The following RUFY1 variants were observed in gnomAD, a reference collection of about 807,000 sequenced individuals.
The protein encoded by RUFY1 is RUN and FYVE domain containing 1.
Under a neutral mutation model 94.6 loss-of-function variants are expected in RUFY1, and 54 were observed. The observed-to-expected ratio is 0.57, with a 90% CI of 0.46 to 0.72. RUFY1 has a LOEUF of 0.72. Ranked by LOEUF, RUFY1 falls within the 30% of genes least tolerant of loss-of-function variation. RUFY1 has a pLI of 0.00. For missense variants in RUFY1, 883 were observed against 883.9 expected (o/e 1.00, Z 0.01); for synonymous variants, 396 against 347.3 (o/e 1.14, Z -1.56).
intron 7 of RUFY1, among the ~76,000 whole-genome samples, chr5:179,583,662 C>T (rs140609425): frequency 2.0e-5 from 3 of 151,086 alleles, no homozygotes; most frequent in Non-Finnish European, 2.9e-5. Flanking sequence ...GTGATCCGCC[C>T]GCCTCGGCCT....
intron 17 of RUFY1, among the ~76,000 whole-genome samples, chr5:179,608,134 T>C (rs576187321): frequency 6.6e-6 from 1 of 152,108 alleles, no homozygotes; most frequent in Admixed American, 6.5e-5. Context: ...CACCCTTGGG[T>C]CTAGGGTTGA....
chr5:179,553,104 G>C (rs1368269806), intron 1 of RUFY1, among the ~76,000 whole-genome samples: 1 of 152,230 alleles, frequency 6.6e-6, no homozygotes, highest in East Asian at 1.9e-4. Flanking sequence ...CAATGGGACA[G>C]GTTCTCAGTT....
rs1554112860 is a variant in RUFY1, at chr5:179,550,638, G to GC, written c.71dup (p.Pro26AlafsTer6). ...AGCTGGAGCCGGAGCTGGAGCCGGG[G>GC]CCGGGGCCCGGGTCAGCGCTTGAGC... On this transcript the variant is annotated frameshift_variant, in exon 1 of 18. Coordinates refer to ENST00000319449, the MANE Select transcript of RUFY1 (RefSeq NM_025158.5). LOFTEE classifies it high-confidence loss of function. 5 of 1,413,482 alleles carry GC rather than the reference G, an allele frequency of 3.5e-6. No individual in the cohort carries two copies. Among genetic ancestry groups the GC allele is most frequent in the Non-Finnish European group, 4.6e-6 (5 of 1,091,598 alleles). The allele number at this position is 1,413,482 out of a possible 1,614,324, so 87.6% of individuals were successfully genotyped here.
intron 16 of RUFY1, 162 bp downstream of exon 16, chr5:179,606,086 C>T (rs1767054077): frequency 6.6e-6 from 4 of 609,096 alleles, no homozygotes; most frequent in South Asian, 6.0e-5. Flanking sequence ...ACGTGTCCCT[C>T]GGCTGAGGGC....
intron 4 of RUFY1, 166 bp from the exon 5 acceptor site, chr5:179,569,136 A>T (rs1374751276): frequency 1.0e-6 from 1 of 985,058 alleles, no homozygotes; most frequent in Non-Finnish European, 1.2e-6. Flanking sequence ...AGGACGGGAG[A>T]AAAAGCAGCC....
intron 9 of RUFY1, among the ~76,000 whole-genome samples, chr5:179,590,546 G>A (rs10051189): frequency 1.3e-5 from 2 of 151,140 alleles, no homozygotes; most frequent in African/African-American, 2.4e-5. Flanking sequence ...GTGCAGTGGC[G>A]TGATCTCGAC....
At chr5:179,592,075 G>A (rs538472092) in intron 10 of RUFY1, among the ~76,000 whole-genome samples, 11 of 152,056 alleles carry the variant, frequency 7.2e-5, no homozygotes, top group African/African-American at 2.4e-4. Flanking sequence ...CTCCCGAGTA[G>A]CTGGGATTGC....
At chr5:179,575,571 C>T (rs962882340) in intron 5 of RUFY1, among the ~76,000 whole-genome samples, 10 of 152,126 alleles carry the variant, frequency 6.6e-5, no homozygotes, top group Non-Finnish European at 1.0e-4. Context: ...GGCATCATTT[C>T]TACTGCATTT....
At chr5:179,585,956 T>TACCA in intron 8 of RUFY1, 91 bp downstream of exon 8, 1 of 1,023,844 alleles carries the variant, frequency 9.8e-7, no homozygotes, top group Non-Finnish European at 1.5e-6. Flanking sequence ...CAGAGCTTCC[T>TACCA]GCTGGTAGGA....
intron 3 of RUFY1, among the ~76,000 whole-genome samples, chr5:179,565,979 A>C (rs901878039): frequency 2.7e-5 from 4 of 145,836 alleles, no homozygotes; most frequent in Non-Finnish European, 6.1e-5. Flanking sequence ...CCATCTCTAC[A>C]AAAAAAAAAA....
chr5:179,593,598 C>T lies in RUFY1; in HGVS notation c.1366C>T (p.Leu456=). 1 of 1,614,130 alleles carries T rather than the reference C, an allele frequency of 6.2e-7. No individual in the cohort carries two copies. The highest frequency in any genetic ancestry group is 2.2e-5 in the East Asian group (1 of 44,882). ...CACACTAGTTGCCCTCCGCCAGCAG[C>T]TGGAAGAAGTCAAAGCGATTAATTT... is the stretch of plus-strand genomic sequence containing the variant. ...QDTLVALRQQ[L]EEVKAINLQM... The change falls in exon 11 of 18, where the codon CTG becomes TTG. Residue 456 remains leucine (L), a synonymous_variant. Coordinates refer to ENST00000319449, the MANE Select transcript of RUFY1 (RefSeq NM_025158.5).
At chr5:179,598,500 T>C (rs774840179) in intron 13 of RUFY1, 192 bp from the exon 14 acceptor site, 50 of 646,556 alleles carry the variant, frequency 7.7e-5, no homozygotes, top group Non-Finnish European at 1.3e-4. Flanking sequence ...CTGCAGGCTT[T>C]TCTCTCCCTG....
Position 179,593,353 on chromosome 5 carries a change from A to C in RUFY1, c.1246-125A>C, listed in dbSNP as rs1765265412. The C allele has an allele frequency of 1.2e-5, 13 of 1,114,428 alleles. No homozygotes were observed. The South Asian group carries it at 1.9e-4, about 16-fold the overall frequency. The allele number at this position is 1,114,428 out of a possible 1,614,324, so 69.0% of individuals were successfully genotyped here. On this transcript the variant is annotated intron_variant, in intron 10 of 17. Coordinates refer to ENST00000319449, the MANE Select transcript of RUFY1 (RefSeq NM_025158.5). The stretch of plus-strand genomic sequence containing the variant: ...TCAGCCTCCCAAAGTGCTGAGGATT[A>C]CAGGCATGAGCCACCACACCCAGCC...
intron 1 of RUFY1, among the ~76,000 whole-genome samples, chr5:179,553,129 G>A (rs1581407962): frequency 6.6e-6 from 1 of 152,206 alleles, no homozygotes; most frequent in South Asian, 2.1e-4. Flanking sequence ...TGGCCCACTC[G>A]AGCTGCCCTG....
intron 4 of RUFY1, 118 bp downstream of exon 4, chr5:179,567,680 G>T (rs1051438802): frequency 1.4e-4 from 94 of 660,116 alleles, no homozygotes; most frequent in Non-Finnish European, 6.8e-5. Context: ...CAGGTGGATT[G>T]CTTGAGGTCC....
intron 17 of RUFY1, among the ~76,000 whole-genome samples, chr5:179,608,988 C>T (rs1191855695): frequency 1.3e-5 from 2 of 150,134 alleles, no homozygotes; most frequent in African/African-American, 2.5e-5. Context: ...GAGGCCAAGG[C>T]GGAGGCAGAT....
chr5:179,582,888 TTA>T (rs1464923236), intron 7 of RUFY1, among the ~76,000 whole-genome samples: 1 of 151,952 alleles, frequency 6.6e-6, no homozygotes, highest in African/African-American at 2.4e-5. Context: ...TGCTGAAATT[TTA>T]TAGTTTTCTT....
At position 179,591,430 on chromosome 5, in the gene RUFY1, C is replaced by A. The variant is rs548063928; in HGVS notation, c.1129-195C>A. On this transcript the variant is annotated intron_variant, in intron 9 of 17. Transcript: ENST00000319449. ...CGATCGCCTGACCTCGTGATCCGCC[C>A]GCCTCGGCCTCCCAAAGTGCTGGGA... Among the ~76,000 whole-genome samples, 9 of 152,180 alleles carry A rather than the reference C, an allele frequency of 5.9e-5. No homozygotes were observed. In the East Asian group the frequency reaches 1.5e-3, roughly 26 times the overall value.
At chr5:179,559,819 A>G (rs1762299611) in intron 1 of RUFY1, 3 of 1,332,348 alleles carry the variant, frequency 2.3e-6, no homozygotes, top group Admixed American at 3.5e-5. Context: ...CTTCTGACCC[A>G]AGGCCCCGCC....
Sources: gnomAD v4.1 joint callset for allele counts (sites outside exome capture counted in the v4.1 genomes callset) on GRCh38, gnomAD v4.1.1 for gene constraint, MANE v1.5 for transcripts, NCBI Gene and HGNC (gene_info 2026-07-23, HGNC 2026-07-21) for gene names.